The following ZNF207 variants were observed in gnomAD, a reference collection of about 807,000 sequenced individuals.
ZNF207 encodes the protein zinc finger protein 207.
A neutral mutation model predicts 60.2 loss-of-function variants in ZNF207; 24 were observed. The ratio of observed to expected loss-of-function variants is 0.40; its 90% CI spans 0.29 to 0.56. The LOEUF is 0.56. Ranked by LOEUF, ZNF207 falls within the 20% of genes least tolerant of loss-of-function variation. The pLI, the probability that ZNF207 is intolerant of heterozygous loss-of-function variation, is 0.49. For synonymous variants in ZNF207, 236 were observed against 194.7 expected, an observed-to-expected ratio of 1.21 and a Z score of -1.77; for missense variants, 452 against 636.6, an observed-to-expected ratio of 0.71 and a Z score of 3.12.
Position 32,369,976 on chromosome 17 carries a change from GCTT to G in ZNF207, c.*221_*223del. 2.3e-6 allele frequency: 1 copy of G among 436,260 alleles called. No individual in the cohort carries two copies. The allele number at this position is 436,260 out of a possible 1,614,324, so 27.0% of individuals were successfully genotyped here. ...CTGAAGTTGCAATTTATACTGTATG[GCTT>G]CTTTTTCATGTTTCATCTAGGTTTT... On this transcript the variant is annotated 3_prime_UTR_variant, in exon 12 of 12. Transcript: ENST00000394670.
At chr17:32,360,035 ATAT>A (rs1477047370) in intron 3 of ZNF207, among the ~76,000 whole-genome samples, 4 of 152,140 alleles carry the variant, frequency 2.6e-5, no homozygotes, top group Admixed American at 2.0e-4. Flanking sequence ...CCATTTTCTT[ATAT>A]TATTATTCAT....
chr17:32,379,935 GA>G lies in ZNF207; in HGVS notation c.*10178del, dbSNP rs1353227625. 1.3e-5 allele frequency: 2 copies of G among 152,118 alleles called. No individual in the cohort carries two copies. The allele number at this position is 152,118 out of a possible 1,614,324, so 9.4% of individuals were successfully genotyped here. A position where few individuals can be genotyped will look rare whatever the true frequency, so the allele number is the denominator to read the frequency against. ...CTAGATTAAAACCAGCATATGCTAA[GA>G]ATGTTTTTACATTCTGTTTCCTCCT... On this transcript the variant is annotated 3_prime_UTR_variant, in exon 12 of 12. Coordinates refer to ENST00000394670, the MANE Select transcript of ZNF207 (RefSeq NM_001098507.2).
intron 2 of ZNF207, 120 bp downstream of exon 2, chr17:32,352,032 A>C: frequency 1.0e-6 from 1 of 965,762 alleles, no homozygotes; most frequent in Non-Finnish European, 1.5e-6. Context: ...CAGTGGTGCA[A>C]TCTCGGCCCA....
chr17:32,357,351 A>ATTATTTTTTTTTT (rs1363194053), intron 2 of ZNF207, among the ~76,000 whole-genome samples: 2 of 74,026 alleles, frequency 2.7e-5, no homozygotes, highest in African/African-American at 1.1e-4. Flanking sequence ...TATTATTATT[A>ATTATTTTTTTTTT]TTTTTTTTTT....
Position 32,362,991 on chromosome 17 carries a change from G to A in ZNF207, c.670+7G>A, listed in dbSNP as rs758489455. The A allele has an allele frequency of 6.2e-7, 1 of 1,611,850 alleles. No homozygotes were observed. The highest frequency in any genetic ancestry group is 8.5e-7 in the Non-Finnish European group (1 of 1,179,210). On this transcript the variant is annotated splice_region_variant and intron_variant, in intron 7 of 11. Coordinates refer to ENST00000394670, the MANE Select transcript of ZNF207 (RefSeq NM_001098507.2). ...ATGCCTGGAATGCCACCAGGTATAT[G>A]TTAGATAATTTCATTTTAATATGAT...
At chr17:32,366,451 A>C (rs1012034091) in intron 8 of ZNF207, among the ~76,000 whole-genome samples, 2 of 152,228 alleles carry the variant, frequency 1.3e-5, no homozygotes, top group African/African-American at 4.8e-5. Context: ...CTAGTTAACT[A>C]GGTTTTATTG....
At chr17:32,356,160 C>T (rs542101117) in intron 2 of ZNF207, among the ~76,000 whole-genome samples, 1 of 152,272 alleles carries the variant, frequency 6.6e-6, no homozygotes, top group South Asian at 2.1e-4. Context: ...TGGTTCCCTG[C>T]AGTTTCTCAT....
At chr17:32,364,791 A>G (rs1905086688) in intron 7 of ZNF207, among the ~76,000 whole-genome samples, 1 of 152,224 alleles carries the variant, frequency 6.6e-6, no homozygotes, top group African/African-American at 2.4e-5. Flanking sequence ...AGTTCCATAT[A>G]CATTATGTTG....
intron 7 of ZNF207, among the ~76,000 whole-genome samples, chr17:32,364,169 C>A (rs1407558362): frequency 6.6e-6 from 1 of 151,542 alleles, no homozygotes; most frequent in Non-Finnish European, 1.5e-5. Flanking sequence ...AGCACCTGGC[C>A]TCCTTTTTCT....
At chr17:32,367,342 ATAGT>A (rs1226218278) in intron 9 of ZNF207, among the ~76,000 whole-genome samples, 11 of 144,426 alleles carry the variant, frequency 7.6e-5, no homozygotes, top group East Asian at 4.1e-4. Context: ...TGTTCATGTT[ATAGT>A]TAGTAACGAG....
intron 8 of ZNF207, among the ~76,000 whole-genome samples, 161 bp from the exon 9 acceptor site, chr17:32,366,504 A>G (rs1905168515): frequency 6.6e-6 from 1 of 152,214 alleles, no homozygotes; most frequent in African/African-American, 2.4e-5. Context: ...AATTTTGTTT[A>G]TTGTAAATGC....
intron 7 of ZNF207, 31 bp downstream of exon 7, chr17:32,363,015 ATGT>A: frequency 1.3e-6 from 2 of 1,589,730 alleles, no homozygotes; most frequent in Non-Finnish European, 1.7e-6. Flanking sequence ...TTTTAATATG[ATGT>A]ACAGGCTTTA....
rs1367628169 is a variant in ZNF207, at chr17:32,372,720, CT to C, written c.*2963del. ...CTAGAAAATACCTTTTTTCTAAATG[CT>C]TCTGGGGTCCATAGTGTGGTTGAAT... is the stretch of plus-strand genomic sequence containing the variant. On this transcript the variant is annotated 3_prime_UTR_variant, in exon 12 of 12. Transcript: ENST00000394670. The C allele has an allele frequency of 2.0e-5, 3 of 152,118 alleles. No homozygotes were observed. Among genetic ancestry groups the C allele is most frequent in the African/African-American group, 7.2e-5 (3 of 41,436 alleles). The allele number at this position is 152,118 out of a possible 1,614,324, so 9.4% of individuals were successfully genotyped here. A position where few individuals can be genotyped will look rare whatever the true frequency, so the allele number is the denominator to read the frequency against.
At chr17:32,368,169 A>T (rs1905287064) in intron 10 of ZNF207, 155 bp downstream of exon 10, 2 of 1,079,646 alleles carry the variant, frequency 1.9e-6, no homozygotes, top group South Asian at 3.3e-5. Flanking sequence ...TTAAGAAATC[A>T]TAAAATACTT....
rs1383777267 is a variant in ZNF207, at chr17:32,367,855, G to A, written c.1005G>A (p.Lys335=). 6.2e-7 allele frequency: 1 copy of A among 1,614,116 alleles called. No individual in the cohort carries two copies. The highest frequency in any genetic ancestry group is 8.5e-7 in the Non-Finnish European group (1 of 1,180,024). ...CTGCAACAACTACAGAACCCCCAAA[G>A]CCTACATTCCCTGCTTATACACAGT... ...STPATTTEPP[K]PTFPAYTQST... Residue 335 remains lysine, a synonymous_variant, in exon 10 of 12, where the codon AAG becomes AAA. Coordinates refer to ENST00000394670, the MANE Select transcript of ZNF207 (RefSeq NM_001098507.2).
chr17:32,357,594 G>A (rs1171423274), intron 2 of ZNF207, among the ~76,000 whole-genome samples: 23 of 151,644 alleles, frequency 1.5e-4, no homozygotes, highest in Middle Eastern at 3.4e-3. Context: ...TGATCCGCCC[G>A]CCTCGGCCTC....
chr17:32,371,928 T>G lies in ZNF207; in HGVS notation c.*2169T>G, dbSNP rs1310821816. On this transcript the variant is annotated 3_prime_UTR_variant, in exon 12 of 12. Transcript: ENST00000394670. ...CTGCTTACCTAAATGGTTTCAAAAT[T>G]AATACATGCTGCTTTGATTTGGCAG... 1 of 152,174 alleles carries G rather than the reference T, an allele frequency of 6.6e-6. No individual in the cohort carries two copies. The highest frequency in any genetic ancestry group is 1.5e-5 in the Non-Finnish European group (1 of 68,026). The allele number at this position is 152,174 out of a possible 1,614,324, so 9.4% of individuals were successfully genotyped here.
chr17:32,361,058 A>G, intron 5 of ZNF207, 91 bp downstream of exon 5: 1 of 1,400,776 alleles, frequency 7.1e-7, no homozygotes. Context: ...GTTACTTTCC[A>G]TTTTTTGCTT....
intron 2 of ZNF207, among the ~76,000 whole-genome samples, 156 bp from the exon 3 acceptor site, chr17:32,358,347 C>T (rs2150792253): frequency 6.6e-6 from 1 of 152,314 alleles, no homozygotes; most frequent in Middle Eastern, 3.4e-3. Context: ...AGTTCACTGA[C>T]ATGCTTAATG....
Sources: allele counts gnomAD v4.1 joint callset (sites outside exome capture counted in the v4.1 genomes callset), GRCh38; gene constraint gnomAD v4.1.1; transcripts MANE v1.5; gene names NCBI Gene and HGNC (gene_info 2026-07-23, HGNC 2026-07-21).